The following KAT5 variants were observed in gnomAD, a reference collection of about 807,000 sequenced individuals.
KAT5 encodes histone acetyltransferase KAT5.
A neutral mutation model predicts 68.1 loss-of-function variants in KAT5; 31 were observed. The ratio of observed to expected loss-of-function variants is 0.46; its 90% CI spans 0.34 to 0.61. KAT5 has a LOEUF of 0.61. Among genes scored for constraint, KAT5 ranks in the 20% least tolerant of loss-of-function variants. KAT5 has a pLI of 0.01. For missense variants in KAT5, 451 were observed against 725.5 expected (o/e 0.62, Z 4.35); for synonymous variants, 365 against 292.6 (o/e 1.25, Z -2.52).
intron 6 of KAT5, 129 bp from the exon 7 acceptor site, chr11:65,714,366 T>C: frequency 9.5e-7 from 1 of 1,048,766 alleles, no homozygotes; most frequent in East Asian, 2.4e-5. Context: ...TATCTGGAAA[T>C]TGGGGATCAT....
At chr11:65,714,335 C>CTA (rs1222460206) in intron 6 of KAT5, 160 bp from the exon 7 acceptor site, 1 of 773,688 alleles carries the variant, frequency 1.3e-6, no homozygotes, top group African/African-American at 1.7e-5. Context: ...CATCATCGAT[C>CTA]CTTTAGGGTT....
chr11:65,716,612 C>G, intron 8 of KAT5, 55 bp from the exon 9 acceptor site: 2 of 1,567,104 alleles, frequency 1.3e-6, no homozygotes, highest in Admixed American at 3.4e-5. Context: ...CCCTGAACCA[C>G]TGGCCAGGCT....
chr11:65,716,537 C>G, intron 8 of KAT5, 130 bp from the exon 9 acceptor site: 1 of 869,048 alleles, frequency 1.2e-6, no homozygotes, highest in South Asian at 1.6e-5. Flanking sequence ...TCAGGCCCAG[C>G]CAGGGAAGAA....
intron 3 of KAT5, 86 bp downstream of exon 3, chr11:65,713,144 G>A (rs1227188089): frequency 1.3e-6 from 2 of 1,546,866 alleles, no homozygotes; most frequent in Non-Finnish European, 1.8e-6. Flanking sequence ...ATGGGCAGGA[G>A]GCGGCTCCCT....
intron 8 of KAT5, 166 bp from the exon 9 acceptor site, chr11:65,716,501 C>A: frequency 1.6e-6 from 1 of 643,674 alleles, no homozygotes; most frequent in South Asian, 1.8e-5. Flanking sequence ...AGCAGCCCTG[C>A]CTAAGCTGCG....
Position 65,714,650 on chromosome 11 carries a change from G to C in KAT5, c.846G>C (p.Pro282=). 6.2e-7 allele frequency: 1 copy of C among 1,614,178 alleles called. No homozygotes were observed. Among genetic ancestry groups the C allele is most frequent in the Non-Finnish European group, 8.5e-7 (1 of 1,180,034 alleles). ...RHRLKPWYFS[P]YPQELTTLPV... is the part of the protein sequence containing the mutation. ...GCCTCAAGCCGTGGTACTTCTCCCC[G>C]TACCCACAGGAACTCACCACATTGC... The change falls in exon 7 of 13, where the codon CCG becomes CCC. Residue 282 remains proline (P), a synonymous_variant. Transcript: ENST00000341318.
chr11:65,715,357 G>A (rs778911582), intron 8 of KAT5: 23 of 232,292 alleles, frequency 9.9e-5, no homozygotes, highest in East Asian at 1.9e-4. Context: ...GGGAAGGCTC[G>A]TACATGGGAC....
Position 65,712,986 on chromosome 11 carries a change from C to T in KAT5, c.312C>T (p.Pro104=). ...TGGACCTAAAGAAGATCCAGTTCCC[C>T]AAGAAAGAGGCCAAGACCCCCACTA... The part of the protein sequence containing the change: ...ERLDLKKIQF[P]KKEAKTPTKN... The change falls in exon 3 of 13, where the codon CCC becomes CCT. Residue 104 remains proline, a synonymous_variant. Coordinates refer to ENST00000341318, the MANE Select transcript of KAT5 (RefSeq NM_182710.3). 2.5e-6 allele frequency: 4 copies of T among 1,614,084 alleles called. No homozygotes were observed. Among genetic ancestry groups the T allele is most frequent in the Admixed American group, 1.7e-5 (1 of 60,020 alleles).
In KAT5 at chr11:65,718,579, C is replaced by T. The variant is rs1487057223; in HGVS notation, c.1265-11C>T. 3.1e-6 allele frequency: 5 copies of T among 1,611,806 alleles called. No individual in the cohort carries two copies. Among genetic ancestry groups the T allele is most frequent in the Admixed American group, 1.7e-5 (1 of 59,742 alleles). Reference sequence around the variant, plus strand: ...ACCTCTTACTCACCCTCTCCTGCTCCATTGCTTTAGGCTATGAACTCTCCA... The same window carrying T: ...ACCTCTTACTCACCCTCTCCTGCTCTATTGCTTTAGGCTATGAACTCTCCA... On this transcript the variant is annotated splice_polypyrimidine_tract_variant and intron_variant, in intron 10 of 12. Transcript: ENST00000341318.
chr11:65,713,620 G>T lies in KAT5; in HGVS notation c.568G>T (p.Ala190Ser). The change falls in exon 5 of 13, where the codon GCA becomes TCA. Residue 190 changes from alanine to serine, a missense_variant. Physicochemically the swap from Ala to Ser is moderately conservative, Grantham distance 99. Around this residue, in one of 4 missense-constraint regions of KAT5, gnomAD observed 135 missense variants for 173.4 expected, o/e 0.78. Transcript: ENST00000341318. ...TKRKVEVVSP[A>S]TPVPSETAPA... ...ACGGAAGGTGGAGGTGGTTTCACCA[G>T]CAACTCCAGTGCCCAGCGAGACAGC... is the stretch of plus-strand genomic sequence containing the variant. The T allele has an allele frequency of 1.2e-6, 2 of 1,614,176 alleles. No homozygotes were observed. Among genetic ancestry groups the T allele is most frequent in the Non-Finnish European group, 1.7e-6 (2 of 1,180,026 alleles).
chr11:65,714,781 T>C, intron 7 of KAT5, 38 bp downstream of exon 7: 1 of 1,614,190 alleles, frequency 6.2e-7, no homozygotes, highest in Non-Finnish European at 8.5e-7. Flanking sequence ...CCCAGCACCC[T>C]CCACGTTGCC....
rs758409457 is a variant in KAT5 at position 65,713,519 on chromosome 11, C to T, written c.540+16C>T. 2 of 1,614,164 alleles carry T rather than the reference C, an allele frequency of 1.2e-6. No homozygotes were observed. Among genetic ancestry groups the T allele is most frequent in the South Asian group, 1.1e-5 (1 of 91,082 alleles). ...CCGCTCAACGGTACCCTCAGCAATT[C>T]CAGGGACCTTGCTTTCTTCTCAGGT... On this transcript the variant is annotated intron_variant, in intron 4 of 12. Transcript: ENST00000341318.
chr11:65,718,833 A>G, intron 11 of KAT5, 40 bp from the exon 12 acceptor site: 63 of 1,612,788 alleles, frequency 3.9e-5, no homozygotes, highest in Non-Finnish European at 5.3e-5. Context: ...CTGGGGACAG[A>G]TAAAGGTCCT....
At chr11:65,712,179 G>T, upstream of KAT5, 1 of 1,307,334 alleles carries the variant, frequency 7.6e-7, no homozygotes, top group Non-Finnish European at 1.0e-6. Context: ...CCCTCTACAG[G>T]GGCTTCGTGA....
intron 6 of KAT5, 64 bp downstream of exon 6, chr11:65,713,912 GTTA>G: frequency 7.2e-7 from 1 of 1,393,600 alleles, no homozygotes; most frequent in Non-Finnish European, 1.0e-6. Context: ...AGGGTGGAGA[GTTA>G]TTTAGTGATG....
intron 8 of KAT5, 67 bp from the exon 9 acceptor site, chr11:65,716,600 G>C (rs1857203728): frequency 7.3e-6 from 11 of 1,498,456 alleles, no homozygotes; most frequent in Non-Finnish European, 1.0e-5. Context: ...GCTCCTGGTT[G>C]ACCCTGAACC....
At position 65,714,584 on chromosome 11, in the gene KAT5, C is replaced by G; in HGVS notation, c.780C>G (p.Thr260=). 1.5e-5 allele frequency: 25 copies of G among 1,614,212 alleles called. No homozygotes were observed. The highest frequency in any genetic ancestry group is 1.9e-5 in the Non-Finnish European group (22 of 1,180,040). ...VSDRSHDDIV[T]RMKNIECIEL... ...ATCGAAGCCACGACGACATCGTCAC[C>G]CGGATGAAGAACATTGAGTGCATTG... Residue 260 remains threonine (T), a synonymous_variant, in exon 7 of 13, where the codon ACC becomes ACG. Coordinates refer to ENST00000341318, the MANE Select transcript of KAT5 (RefSeq NM_182710.3).
upstream of KAT5, chr11:65,712,168 C>T (rs552124109): frequency 8.3e-7 from 1 of 1,206,264 alleles, no homozygotes; most frequent in Non-Finnish European, 1.1e-6. Context: ...CTCAAAGGTC[C>T]CCCTCTACAG....
At position 65,713,818 on chromosome 11, in the gene KAT5, G is replaced by A; in HGVS notation, c.660G>A (p.Lys220=). 6.3e-7 allele frequency: 1 copy of A among 1,598,276 alleles called. No homozygotes were observed. Among genetic ancestry groups the A allele is most frequent in the Non-Finnish European group, 8.5e-7 (1 of 1,172,186 alleles). Reference sequence around the variant, plus strand: ...CAGTGGCAGCCCAGCCAGGACGGAAGCGAAAATCGAATTGTTTGGGCACTG... The same window carrying A: ...CAGTGGCAGCCCAGCCAGGACGGAAACGAAAATCGAATTGTTTGGGCACTG... ...RRAVAAQPGR[K]RKSNCLGTDE... Residue 220 remains lysine (K), a synonymous_variant, in exon 6 of 13, where the codon AAG becomes AAA. Coordinates refer to ENST00000341318, the MANE Select transcript of KAT5 (RefSeq NM_182710.3).
Sources: allele counts gnomAD v4.1 joint callset, GRCh38; gene constraint gnomAD v4.1.1; regional missense constraint gnomAD v4.1.1; transcripts MANE v1.5; gene names NCBI Gene and HGNC (gene_info 2026-07-23, HGNC 2026-07-21).